Variants in CIITA observed in about 807,000 individuals in gnomAD.
CIITA encodes the protein class II major histocompatibility complex transactivator, also known as MHC class II transactivator.
In CIITA, 72 loss-of-function variants were observed where a neutral mutation model predicts 115.1. The observed-to-expected ratio is 0.63, with a 90% CI of 0.52 to 0.76. CIITA has a LOEUF of 0.76. CIITA is among the 30% of genes least tolerant of loss of function. The pLI is 0.00. For missense variants in CIITA, 1,617 were observed against 1,463.8 expected (o/e 1.10, Z -1.71); for synonymous variants, 763 against 635.6 (o/e 1.20, Z -3.02).
intron 1 of CIITA, among the ~76,000 whole-genome samples, chr16:10,888,061 G>C (rs1324205912): frequency 6.6e-6 from 1 of 152,146 alleles, no homozygotes; most frequent in African/African-American, 2.4e-5. Context: ...CAGACACAGA[G>C]AAATCTCCCC....
chr16:10,908,190 G>A (rs1243100214), intron 11 of CIITA, 41 bp downstream of exon 11: 1 of 1,549,792 alleles, frequency 6.5e-7, no homozygotes, highest in Non-Finnish European at 8.7e-7. Flanking sequence ...CTTGTGTTGG[G>A]CATTAACTGC....
upstream of CIITA, among the ~76,000 whole-genome samples, chr16:10,873,947 G>C (rs551144635): frequency 6.6e-6 from 1 of 152,142 alleles, no homozygotes; most frequent in East Asian, 1.9e-4. Flanking sequence ...AGAGTTTTTT[G>C]TTGTTGCTGT....
At position 10,929,181 on chromosome 16, in the gene CIITA, C is replaced by T. The variant is rs557751884; in HGVS notation, c.*5326C>T. Reference sequence around the variant, plus strand: ...CAGTCGCTGCATCTAAGACCAGCCTCGGGCTAAACCCAGCTGGCCTGAAGG... The same window carrying T: ...CAGTCGCTGCATCTAAGACCAGCCTTGGGCTAAACCCAGCTGGCCTGAAGG... On this transcript the variant is annotated 3_prime_UTR_variant, in exon 20 of 20. Coordinates refer to ENST00000324288, the MANE Select transcript of CIITA (RefSeq NM_000246.4). This position sits in a 1 kb window ranked among gnomAD's most constrained non-coding sequence, Gnocchi z 4.3. 2.5e-4 allele frequency: 247 copies of T among 982,264 alleles called. 2 individuals are homozygous for T. In the South Asian group the frequency reaches 9.1e-3, roughly 36 times the overall value. 60.8% of individuals were successfully genotyped at this position (982,264 alleles called of 1,614,324 possible).
rs372963299 is a variant in CIITA, at chr16:10,922,262, A to G, written c.3233+12A>G. ...CTCCGGGTGATGGAGTGAGTGTGGG[A>G]GTCTGGGCGGTGGGTGGCTCAGCCC... is the stretch of plus-strand genomic sequence containing the variant. On this transcript the variant is annotated intron_variant, in intron 17 of 19. Transcript: ENST00000324288. The G allele has an allele frequency of 1.2e-5, 20 of 1,613,648 alleles. No individual in the cohort carries two copies. Among genetic ancestry groups the G allele is most frequent in the Admixed American group, 5.0e-5 (3 of 60,002 alleles).
At chr16:10,869,943 G>A (rs1253342913) in intron 1 of CIITA, among the ~76,000 whole-genome samples, 4 of 152,084 alleles carry the variant, frequency 2.6e-5, no homozygotes, top group Non-Finnish European at 5.9e-5. Flanking sequence ...CTAGCACAGG[G>A]CCTGAGCACA....
chr16:10,866,923 G>A (rs72770004), intron 1 of CIITA, among the ~76,000 whole-genome samples: 4,601 of 152,264 alleles, frequency 0.03, 231 homozygotes, highest in East Asian at 0.23. Context: ...GGGGAAGATG[G>A]ATGCAGGCAC....
intron 13 of CIITA, among the ~76,000 whole-genome samples, chr16:10,912,302 C>G (rs986347740): frequency 2.0e-5 from 3 of 152,032 alleles, no homozygotes; most frequent in East Asian, 1.9e-4. Context: ...TTAGTAGAGA[C>G]GGGCTTTAAC....
chr16:10,911,782 C>T (rs962586939), intron 13 of CIITA, among the ~76,000 whole-genome samples: 1 of 152,250 alleles, frequency 6.6e-6, no homozygotes, highest in African/African-American at 2.4e-5. Flanking sequence ...AGCTCCTGGG[C>T]TCAAGCAATC....
chr16:10,877,129 T>A (rs111711722), upstream of CIITA: 1,911 of 633,472 alleles, frequency 3.0e-3, 36 homozygotes, highest in African/African-American at 0.03. Context: ...GCAGGGAGAG[T>A]TTTTTTGATG....
downstream of CIITA, chr16:10,938,946 GAT>G (rs2041065329): frequency 6.6e-6 from 1 of 152,232 alleles, no homozygotes; most frequent in Non-Finnish European, 1.5e-5. The surrounding 1 kb of genome is among the most constrained non-coding windows in gnomAD (Gnocchi z 4.9). Context: ...GTGGTAAAGA[GAT>G]AAAATAAGAC....
intron 2 of CIITA, 85 bp downstream of exon 2, chr16:10,895,513 C>T (rs45456897): frequency 0.013 from 20,943 of 1,591,852 alleles, 186 homozygotes; most frequent in Non-Finnish European, 0.016. Context: ...AATTCTGGTC[C>T]CTGCCCTCCC....
chr16:10,881,105 C>G (rs982749891), intron 1 of CIITA, among the ~76,000 whole-genome samples: 1 of 152,198 alleles, frequency 6.6e-6, no homozygotes, highest in Admixed American at 6.5e-5. Context: ...GAAACCCCAA[C>G]TCTACTAAAA....
chr16:10,940,021 C>T (rs2041079952), downstream of CIITA: 1 of 152,258 alleles, frequency 6.6e-6, no homozygotes. This position sits in a 1 kb window ranked among gnomAD's most constrained non-coding sequence, Gnocchi z 4.2. Flanking sequence ...CACACACTCC[C>T]CCTGGCACTT....
intron 1 of CIITA, among the ~76,000 whole-genome samples, chr16:10,890,579 C>T (rs2037461947): frequency 6.6e-6 from 1 of 152,244 alleles, no homozygotes; most frequent in Admixed American, 6.5e-5. Flanking sequence ...TGTGAGCCAC[C>T]ATGCCCGGCC....
intron 8 of CIITA, among the ~76,000 whole-genome samples, chr16:10,903,031 T>A (rs922906334): frequency 1.3e-5 from 2 of 152,232 alleles, no homozygotes; most frequent in African/African-American, 4.8e-5. Context: ...TGGCCTTCCA[T>A]ATGTTGCTTT....
chr16:10,903,757 C>T lies in CIITA; in HGVS notation c.799C>T (p.Pro267Ser). 2.5e-6 allele frequency: 4 copies of T among 1,614,186 alleles called. No homozygotes were observed. The highest frequency in any genetic ancestry group is 2.5e-6 in the Non-Finnish European group (3 of 1,180,040). The change falls in exon 9 of 20, where the codon CCC (proline) becomes TCC (serine). Residue 267 changes from proline (P) to serine (S), a missense_variant. Pro to Ser is a moderately conservative substitution (Grantham distance 74). Coordinates refer to ENST00000324288, the MANE Select transcript of CIITA (RefSeq NM_000246.4). ...TGAGGTGCCCCAGGCCAGCCAAGTA[C>T]CCCCTCCCAGTGGATTCACTGTCCA... ...HGEVPQASQV[P>S]PPSGFTVHGL...
At position 10,902,693 on chromosome 16, in the gene CIITA, C is replaced by G; in HGVS notation, c.664C>G (p.Leu222Val). 6.2e-7 allele frequency: 1 copy of G among 1,614,252 alleles called. No homozygotes were observed. Among genetic ancestry groups the G allele is most frequent in the Non-Finnish European group, 8.5e-7 (1 of 1,180,048 alleles). The part of the protein sequence containing the change: ...FSSSSLSCLN[L>V]PEGPIQFVPT... ...CAGTTCCTCGTTGAGCTGCCTGAAT[C>G]TCCCTGAGGGACCCATCCAGTTTGT... The change falls in exon 8 of 20, where the codon CTC (leucine) becomes GTC (valine). Residue 222 changes from leucine to valine, a missense_variant. Leu to Val is a conservative substitution (Grantham distance 32). Coordinates refer to ENST00000324288, the MANE Select transcript of CIITA (RefSeq NM_000246.4).
intron 16 of CIITA, among the ~76,000 whole-genome samples, chr16:10,918,850 G>C (rs754867627): frequency 2.6e-5 from 4 of 152,198 alleles, no homozygotes; most frequent in South Asian, 4.1e-4. Context: ...GAACCTAGGG[G>C]TGGTGGCTTC....
upstream of CIITA, among the ~76,000 whole-genome samples, chr16:10,876,310 C>G (rs988578037): frequency 6.6e-6 from 1 of 152,222 alleles, no homozygotes; most frequent in South Asian, 2.1e-4. Flanking sequence ...CCACCTGGCC[C>G]AGCCATCTAC....
Sources: allele counts gnomAD v4.1 joint callset (sites outside exome capture counted in the v4.1 genomes callset), GRCh38; gene constraint gnomAD v4.1.1; non-coding constraint Gnocchi (gnomAD v3.1); transcripts MANE v1.5; gene names NCBI Gene and HGNC (gene_info 2026-07-23, HGNC 2026-07-21).